FNDC3B: variants seen among roughly 807,000 people sequenced by gnomAD.
FNDC3B encodes fibronectin type III domain-containing protein 3B.
Under a neutral mutation model 151.5 loss-of-function variants are expected in FNDC3B, and 12 were observed. The ratio of observed to expected loss-of-function variants is 0.08; its 90% CI spans 0.05 to 0.13. FNDC3B has a LOEUF of 0.13. Ranked by LOEUF, FNDC3B falls within the 10% of genes least tolerant of loss-of-function variation. The pLI is 1.00. For synonymous variants in FNDC3B, 528 were observed against 549.0 expected (o/e 0.96, Z 0.54); for missense variants, 1,214 against 1,505.3 (o/e 0.81, Z 3.20).
At chr3:172,348,575 C>T (rs769048286) in intron 21 of FNDC3B, among the ~76,000 whole-genome samples, 9 of 152,274 alleles carry the variant, frequency 5.9e-5, no homozygotes, top group Admixed American at 3.9e-4. Context: ...GAGCTGTCTG[C>T]CACCCCAGTA....
intron 1 of FNDC3B, among the ~76,000 whole-genome samples, chr3:172,063,359 A>G (rs1184093249): frequency 6.6e-6 from 1 of 152,028 alleles, no homozygotes; most frequent in Non-Finnish European, 1.5e-5. Flanking sequence ...TCTCCTCCCA[A>G]CAGTTTTCTT....
At chr3:172,263,811 T>G (rs992622536) in intron 6 of FNDC3B, among the ~76,000 whole-genome samples, 15 of 152,182 alleles carry the variant, frequency 9.9e-5, no homozygotes, top group African/African-American at 3.6e-4. Context: ...ACATTACGCA[T>G]GAGGACTGTT....
At chr3:172,182,816 G>A (rs1723983456) in intron 3 of FNDC3B, among the ~76,000 whole-genome samples, 1 of 152,242 alleles carries the variant, frequency 6.6e-6, no homozygotes, top group Admixed American at 6.5e-5. Flanking sequence ...AACTTGAGGT[G>A]TGTGAATGAG....
intron 1 of FNDC3B, among the ~76,000 whole-genome samples, chr3:172,090,540 G>A (rs907310445): frequency 2.0e-5 from 3 of 152,190 alleles, no homozygotes; most frequent in African/African-American, 7.2e-5. Context: ...CTTCTCCAGA[G>A]CAGTATTCTT....
At chr3:172,156,530 G>A (rs983189155) in intron 3 of FNDC3B, among the ~76,000 whole-genome samples, 2 of 152,192 alleles carry the variant, frequency 1.3e-5, no homozygotes, top group African/African-American at 4.8e-5. Flanking sequence ...ACTGGCACAG[G>A]AATTTCCGTT....
intron 6 of FNDC3B, among the ~76,000 whole-genome samples, chr3:172,259,097 T>C (rs1728516564): frequency 6.6e-6 from 1 of 152,202 alleles, no homozygotes; most frequent in African/African-American, 2.4e-5. Context: ...TTTTCACCTG[T>C]CTATAGCTGC....
chr3:172,045,932 C>T (rs558742974), intron 1 of FNDC3B, among the ~76,000 whole-genome samples: 1 of 152,168 alleles, frequency 6.6e-6, no homozygotes, highest in South Asian at 2.1e-4. Context: ...GGAAGGATGA[C>T]TTGATGGTAG....
intron 2 of FNDC3B, among the ~76,000 whole-genome samples, chr3:172,129,708 C>G (rs1162878702): frequency 6.6e-6 from 1 of 152,148 alleles, no homozygotes; most frequent in African/African-American, 2.4e-5. Context: ...TGAAACAGAT[C>G]TGATGAAGCA....
chr3:172,368,707 A>G (rs760761960), intron 23 of FNDC3B, among the ~76,000 whole-genome samples: 85 of 152,292 alleles, frequency 5.6e-4, no homozygotes, highest in Non-Finnish European at 6.9e-4. Flanking sequence ...GTTGGGGAAA[A>G]AAAGATTTTA....
chr3:172,308,200 A>G (rs1183672841), intron 10 of FNDC3B, among the ~76,000 whole-genome samples: 1 of 152,172 alleles, frequency 6.6e-6, no homozygotes, highest in African/African-American at 2.4e-5. Flanking sequence ...ATTTAAGAAA[A>G]AAAGACTGAA....
chr3:172,337,343 C>T lies in FNDC3B; in HGVS notation c.1794C>T (p.Asp598=). The T allele has an allele frequency of 6.2e-7, 1 of 1,609,866 alleles. No individual in the cohort carries two copies. The highest frequency in any genetic ancestry group is 8.5e-7 in the Non-Finnish European group (1 of 1,176,486). ...GFSVKWDPPK[D]NGGSEILKYL... ...GTTATTTTCCAGATCCCCCTAAGGA[C>T]AATGGTGGTTCAGAAATCCTCAAGT... The change falls in exon 16 of 26, where the codon GAC becomes GAT. Residue 598 remains aspartate, a synonymous_variant. Coordinates refer to ENST00000415807, the MANE Select transcript of FNDC3B (RefSeq NM_022763.4).
intron 1 of FNDC3B, among the ~76,000 whole-genome samples, chr3:172,108,790 T>C (rs1254998650): frequency 6.6e-6 from 1 of 152,264 alleles, no homozygotes; most frequent in East Asian, 1.9e-4. Context: ...GATACTACTG[T>C]GAACGCTAAG....
At chr3:172,218,211 A>T (rs1576807837) in intron 3 of FNDC3B, among the ~76,000 whole-genome samples, 1 of 150,730 alleles carries the variant, frequency 6.6e-6, no homozygotes, top group African/African-American at 2.4e-5. Context: ...AAGCTGGCAC[A>T]CCTAACTTTC....
intron 3 of FNDC3B, among the ~76,000 whole-genome samples, chr3:172,185,306 A>C (rs1404824938): frequency 6.6e-6 from 1 of 152,176 alleles, no homozygotes; most frequent in African/African-American, 2.4e-5. Context: ...CTGGCCCCTC[A>C]TCTTCTTCCC....
In FNDC3B at chr3:172,040,197, G is replaced by A. The variant is rs889199569; in HGVS notation, c.-29+426G>A. ...CGGCAGGAACGCTGCCCAGGAGGGG[G>A]AGGGCGGGCGGCGAGGCCGAGGAAT... On this transcript the variant is annotated intron_variant, in intron 1 of 25. Transcript: ENST00000415807. The surrounding 1 kb of genome is among the most constrained non-coding windows in gnomAD (Gnocchi z 6.6). Among the ~76,000 whole-genome samples the A allele has an allele frequency of 4.6e-5, 7 of 152,230 alleles. No individual in the cohort carries two copies. Among genetic ancestry groups the A allele is most frequent in the Non-Finnish European group, 8.8e-5 (6 of 68,032 alleles).
intron 3 of FNDC3B, among the ~76,000 whole-genome samples, chr3:172,168,552 T>C (rs1372598171): frequency 6.6e-6 from 1 of 152,210 alleles, no homozygotes; most frequent in East Asian, 1.9e-4. Context: ...ATAGTCATTG[T>C]TAAATGTTAA....
intron 1 of FNDC3B, among the ~76,000 whole-genome samples, chr3:172,067,569 A>G (rs73879901): frequency 0.025 from 3,825 of 152,318 alleles, 160 homozygotes; most frequent in African/African-American, 0.088. Flanking sequence ...TTAAAAAGAT[A>G]ATTACCGTGA....
At chr3:172,224,632 G>A (rs928697642) in intron 3 of FNDC3B, among the ~76,000 whole-genome samples, 4 of 152,104 alleles carry the variant, frequency 2.6e-5, no homozygotes, top group Non-Finnish European at 4.4e-5. Context: ...TGGTCATAAC[G>A]CTGGTTGTAC....
At chr3:172,102,972 A>C (rs1393690608) in intron 1 of FNDC3B, among the ~76,000 whole-genome samples, 1 of 152,164 alleles carries the variant, frequency 6.6e-6, no homozygotes, top group African/African-American at 2.4e-5. Flanking sequence ...GTGTGAGAAT[A>C]AGGGCTCATA....
Sources: allele counts gnomAD v4.1 joint callset (sites outside exome capture counted in the v4.1 genomes callset), GRCh38; gene constraint gnomAD v4.1.1; non-coding constraint Gnocchi (gnomAD v3.1); transcripts MANE v1.5; gene names NCBI Gene and HGNC (gene_info 2026-07-23, HGNC 2026-07-21).